Variants in DGKB observed in about 807,000 individuals in gnomAD.
DGKB encodes the protein diacylglycerol kinase beta.
DGKB carries 67 observed loss-of-function variants against 114.3 expected under a neutral mutation model. The observed-to-expected ratio is 0.59, with a 90% confidence interval of 0.48 to 0.72. The LOEUF is 0.72. DGKB is among the 30% of genes least tolerant of loss of function. The pLI, the probability that DGKB is intolerant of heterozygous loss-of-function variation, is 0.00. For missense variants in DGKB, 907 were observed against 975.2 expected (o/e 0.93, Z 0.93); for synonymous variants, 398 against 323.1 (o/e 1.23, Z -2.49).
At chr7:14,261,133 C>A (rs905387596) in intron 23 of DGKB, among the ~76,000 whole-genome samples, 28 of 151,730 alleles carry the variant, frequency 1.8e-4, no homozygotes. Context: ...GATATTTTAA[C>A]CGGTCTAAAT....
At chr7:14,820,853 G>A (rs1462858490) in intron 2 of DGKB, among the ~76,000 whole-genome samples, 1 of 152,118 alleles carries the variant, frequency 6.6e-6, no homozygotes, top group Non-Finnish European at 1.5e-5. Context: ...ATGTGGCTCG[G>A]TAATTAAATC....
chr7:14,432,632 T>G (rs1477986272), intron 21 of DGKB, among the ~76,000 whole-genome samples: 1 of 152,176 alleles, frequency 6.6e-6, no homozygotes. Flanking sequence ...TTTTTAAAAT[T>G]TATAGACAGG....
chr7:14,154,234 G>T (rs985998177), intron 25 of DGKB, among the ~76,000 whole-genome samples: 15 of 148,474 alleles, frequency 1.0e-4, no homozygotes, highest in African/African-American at 3.5e-4. Flanking sequence ...TCACTTTGCA[G>T]AGAGAAGAAA....
intron 13 of DGKB, among the ~76,000 whole-genome samples, chr7:14,655,575 A>G (rs1815606493): frequency 6.6e-6 from 1 of 151,830 alleles, no homozygotes; most frequent in South Asian, 2.1e-4. Flanking sequence ...TCAAAGTGAC[A>G]TCTTCACCCC....
chr7:14,172,489 C>A (rs1364842138), intron 25 of DGKB, among the ~76,000 whole-genome samples: 2 of 152,068 alleles, frequency 1.3e-5, no homozygotes, highest in African/African-American at 2.4e-5. Flanking sequence ...ATTATATGGA[C>A]ACGTAAATTG....
chr7:14,244,390 C>T lies in DGKB; in HGVS notation c.2123-66239G>A, dbSNP rs191265636. On this transcript the variant is annotated intron_variant, in intron 23 of 25. Coordinates refer to ENST00000402815, the MANE Select transcript of DGKB (RefSeq NM_001350709.2). ...AGAGGGTGCTGGCCGGGCGCGGTGG[C>T]TCACGCCTGTAATCCCAGCACTTTG... Among the ~76,000 whole-genome samples the T allele has an allele frequency of 3.2e-4, 48 of 152,170 alleles. No individual in the cohort carries two copies. In the East Asian group the frequency reaches 8.9e-3, roughly 28 times the overall value.
chr7:14,967,272 C>T lies in DGKB; in HGVS notation c.-188+7424G>A, dbSNP rs531189214. Among the ~76,000 whole-genome samples the T allele has an allele frequency of 5.3e-5, 8 of 152,176 alleles. No individual in the cohort carries two copies. In the South Asian group the frequency reaches 8.3e-4, roughly 16 times the overall value. Reference sequence around the variant, plus strand: ...GAATGCAAACAAACTATTTCATTCACAGCACATCCTAAAGAACAAGTGTTT... The same window carrying T: ...GAATGCAAACAAACTATTTCATTCATAGCACATCCTAAAGAACAAGTGTTT... On this transcript the variant is annotated intron_variant, in intron 1 of 4. Transcript: ENST00000437998.
At chr7:14,167,310 T>A (rs1298524065) in intron 25 of DGKB, among the ~76,000 whole-genome samples, 3 of 151,694 alleles carry the variant, frequency 2.0e-5, no homozygotes, top group Non-Finnish European at 4.4e-5. Context: ...GGAGGAGACA[T>A]CTTTTCTCTG....
chr7:14,252,161 C>T (rs1257368506), intron 23 of DGKB, among the ~76,000 whole-genome samples: 1 of 152,064 alleles, frequency 6.6e-6, no homozygotes, highest in African/African-American at 2.4e-5. Context: ...CCCATAAGTC[C>T]TGTAGGCTTC....
intron 20 of DGKB, among the ~76,000 whole-genome samples, chr7:14,525,630 T>C (rs1314937688): frequency 6.6e-6 from 1 of 152,090 alleles, no homozygotes; most frequent in Non-Finnish European, 1.5e-5. Flanking sequence ...CTGTTGACAG[T>C]AGTCAAGATA....
Position 14,244,394 on chromosome 7 carries a change from C to T in DGKB, c.2123-66243G>A, listed in dbSNP as rs1049043253. 5.3e-5 allele frequency among the ~76,000 whole-genome samples: 8 copies of T among 151,978 alleles called. 1 individual carries two copies. Among genetic ancestry groups the T allele is most frequent in the South Asian group, 2.1e-4 (1 of 4,816 alleles). On this transcript the variant is annotated intron_variant, in intron 23 of 25. Coordinates refer to ENST00000402815, the MANE Select transcript of DGKB (RefSeq NM_001350709.2). ...GGTGCTGGCCGGGCGCGGTGGCTCA[C>T]GCCTGTAATCCCAGCACTTTGGGAG...
intron 23 of DGKB, among the ~76,000 whole-genome samples, chr7:14,208,528 T>G (rs1486321284): frequency 1.3e-5 from 2 of 152,016 alleles, no homozygotes; most frequent in Admixed American, 1.3e-4. Context: ...CCTCAATTTC[T>G]CCCTCTTTAT....
rs762735090 is a variant in DGKB, at chr7:14,467,588, A to C, written c.1835+10573T>G. ...ATATCCCAATATGAAAACACTGTTA[A>C]TGCAGAAAATACAAATTTCAAAATG... On this transcript the variant is annotated intron_variant, in intron 21 of 25. Coordinates refer to ENST00000402815, the MANE Select transcript of DGKB (RefSeq NM_001350709.2). 5.3e-5 allele frequency among the ~76,000 whole-genome samples: 8 copies of C among 152,294 alleles called. No individual in the cohort carries two copies. The East Asian group carries it at 1.5e-3, about 29-fold the overall frequency.
intron 23 of DGKB, among the ~76,000 whole-genome samples, chr7:14,331,346 TA>T (rs1352340110): frequency 6.6e-6 from 1 of 152,044 alleles, no homozygotes; most frequent in Admixed American, 6.6e-5. Flanking sequence ...TTTCCAAATT[TA>T]ATTGATTTAA....
intron 14 of DGKB, among the ~76,000 whole-genome samples, chr7:14,623,309 T>A (rs189188882): frequency 3.1e-4 from 47 of 152,306 alleles, no homozygotes; most frequent in African/African-American, 1.1e-3. Flanking sequence ...AGTTCCTATA[T>A]TTGCTTGTTA....
At chr7:14,735,410 T>C (rs757897928) in intron 5 of DGKB, among the ~76,000 whole-genome samples, 9 of 152,196 alleles carry the variant, frequency 5.9e-5, no homozygotes, top group Non-Finnish European at 1.2e-4. Flanking sequence ...TCTTCTCTTT[T>C]TGCTTTTTCA....
intron 2 of DGKB, among the ~76,000 whole-genome samples, chr7:14,773,353 C>T (rs1313514293): frequency 6.6e-6 from 1 of 151,930 alleles, no homozygotes; most frequent in Non-Finnish European, 1.5e-5. Flanking sequence ...TAACAGCATA[C>T]AGGCCCCTAC....
rs181957766 is a variant in DGKB, at chr7:14,726,206, C to G, written c.323-7521G>C. Among the ~76,000 whole-genome samples, 60 of 152,168 alleles carry G rather than the reference C, an allele frequency of 3.9e-4. 2 individuals are homozygous for G. The South Asian group carries it at 5.0e-3, about 13-fold the overall frequency. ...CCAGACTGGAGTGCAGTGGCGCAATCTGGGCTCATGGCAACCTCTGCCTCC... is the reference window on the plus strand; with the variant it reads ...CCAGACTGGAGTGCAGTGGCGCAATGTGGGCTCATGGCAACCTCTGCCTCC... On this transcript the variant is annotated intron_variant, in intron 5 of 25. Transcript: ENST00000402815.
At chr7:14,630,063 C>T (rs982445948) in intron 14 of DGKB, among the ~76,000 whole-genome samples, 173 bp downstream of exon 14, 14 of 151,884 alleles carry the variant, frequency 9.2e-5, no homozygotes, top group African/African-American at 1.2e-4. Flanking sequence ...AAGTCTATCC[C>T]ATCACTGAAA....
Sources: allele counts gnomAD v4.1 joint callset (sites outside exome capture counted in the v4.1 genomes callset), GRCh38; gene constraint gnomAD v4.1.1; transcripts MANE v1.5; gene names NCBI Gene and HGNC (gene_info 2026-07-23, HGNC 2026-07-21).